Variants in SOX6 observed in about 807,000 individuals in gnomAD.
SOX6 encodes the protein transcription factor SOX-6.
SOX6 carries 11 observed loss-of-function variants against 97.8 expected under a neutral mutation model. That is an observed-to-expected ratio of 0.11 (90% CI 0.07 to 0.19). The LOEUF is 0.19. Among genes scored for constraint, SOX6 ranks in the 10% least tolerant of loss-of-function variants. The pLI is 1.00. For missense variants in SOX6, 810 were observed against 1,039.5 expected (o/e 0.78, Z 3.04); for synonymous variants, 360 against 371.4 (o/e 0.97, Z 0.35).
At chr11:16,475,284 T>C (rs951766954) in intron 1 of SOX6, among the ~76,000 whole-genome samples, 1 of 152,194 alleles carries the variant, frequency 6.6e-6, no homozygotes, top group Non-Finnish European at 1.5e-5. Flanking sequence ...TCCCTTTGCA[T>C]TCACAACTTG....
chr11:16,059,903 C>A (rs1847904814), intron 9 of SOX6, among the ~76,000 whole-genome samples: 1 of 151,926 alleles, frequency 6.6e-6, no homozygotes, highest in Non-Finnish European at 1.5e-5. Flanking sequence ...AAGTTCTATA[C>A]TGAATGGAGT....
chr11:16,406,584 C>A (rs1275057059), intron 1 of SOX6, among the ~76,000 whole-genome samples: 1 of 152,052 alleles, frequency 6.6e-6, no homozygotes, highest in Non-Finnish European at 1.5e-5. Flanking sequence ...CTTTTACAAG[C>A]CTCTACCTGT....
intron 13 of SOX6, among the ~76,000 whole-genome samples, chr11:16,012,695 G>A (rs1049855406): frequency 6.6e-6 from 1 of 151,980 alleles, no homozygotes; most frequent in African/African-American, 2.4e-5. Flanking sequence ...GGGCAGTATG[G>A]CAGGCTGCTG....
intron 3 of SOX6, among the ~76,000 whole-genome samples, chr11:16,653,254 A>G (rs1785640692): frequency 1.3e-5 from 2 of 152,222 alleles, no homozygotes; most frequent in Non-Finnish European, 2.9e-5. Flanking sequence ...TGATCCAGCA[A>G]TCCCACTATT....
At chr11:16,499,457 T>A (rs1292941191) in intron 4 of SOX6, among the ~76,000 whole-genome samples, 1 of 151,918 alleles carries the variant, frequency 6.6e-6, no homozygotes, top group Non-Finnish European at 1.5e-5. Flanking sequence ...ATAACTAAGA[T>A]CAGAGCAGAA....
chr11:16,434,328 C>G (rs929022201), intron 1 of SOX6: 1 of 151,920 alleles, frequency 6.6e-6, no homozygotes, highest in East Asian at 1.9e-4. Context: ...TTACCCTTGT[C>G]GACCAAGATT....
intron 10 of SOX6, among the ~76,000 whole-genome samples, chr11:16,051,049 A>C (rs1847673507): frequency 6.6e-6 from 1 of 152,118 alleles, no homozygotes; most frequent in East Asian, 1.9e-4. Context: ...CTGTGAAAAG[A>C]GGGTCTGATA....
At chr11:16,019,661 G>T (rs924289823) in intron 12 of SOX6, among the ~76,000 whole-genome samples, 1 of 152,004 alleles carries the variant, frequency 6.6e-6, no homozygotes, top group Admixed American at 6.6e-5. Context: ...TCTACATGGG[G>T]ATTCTGGTAT....
intron 6 of SOX6, among the ~76,000 whole-genome samples, chr11:16,121,603 G>T (rs980380196): frequency 6.6e-6 from 1 of 151,868 alleles, no homozygotes; most frequent in Non-Finnish European, 1.5e-5. Flanking sequence ...AGAAAGTTTT[G>T]CTTAAAAAGA....
rs1475253268 is a variant in SOX6 at position 16,661,708 on chromosome 11, C to T, written n.430-49448G>A. 3.3e-5 allele frequency among the ~76,000 whole-genome samples: 5 copies of T among 152,222 alleles called. No individual in the cohort carries two copies. The South Asian group carries it at 1.0e-3, about 32-fold the overall frequency. On this transcript the variant is annotated intron_variant and non_coding_transcript_variant, in intron 3 of 5. Coordinates refer to the SOX6 transcript ENST00000524520. ...GACTACAGGCACAAGTCACTAAGTG[C>T]AGCTAATTTTTTTTACTTTGTGTAG... is the stretch of plus-strand genomic sequence containing the variant.
chr11:16,677,147 C>CA (rs1847889949), intron 3 of SOX6, among the ~76,000 whole-genome samples: 1 of 152,012 alleles, frequency 6.6e-6, no homozygotes, highest in South Asian at 2.1e-4. Flanking sequence ...CTGAGTTAAA[C>CA]AAACTAATGG....
Position 16,544,530 on chromosome 11 carries a change from G to A in SOX6, n.609+67551C>T, listed in dbSNP as rs556640635. On this transcript the variant is annotated intron_variant and non_coding_transcript_variant, in intron 4 of 5. Transcript: ENST00000524520. The stretch of plus-strand genomic sequence containing the variant: ...TCACCTCAGCCTCCCAAAGTGCTGG[G>A]ATTACAGAGGTGAGCCACCACACCC... 7.4e-4 allele frequency among the ~76,000 whole-genome samples: 112 copies of A among 152,220 alleles called. 1 individual carries two copies. Among genetic ancestry groups the A allele is most frequent in the Middle Eastern group, 3.4e-3 (1 of 294 alleles).
chr11:16,521,529 G>A (rs1861063131), intron 4 of SOX6, among the ~76,000 whole-genome samples: 1 of 151,968 alleles, frequency 6.6e-6, no homozygotes, highest in Non-Finnish European at 1.5e-5. Context: ...CAAAGATGGG[G>A]AAAAAAACAG....
intron 1 of SOX6, among the ~76,000 whole-genome samples, chr11:16,354,562 A>G (rs1441292613): frequency 6.6e-6 from 1 of 152,002 alleles, no homozygotes; most frequent in Non-Finnish European, 1.5e-5. Context: ...CAAAGCCTAC[A>G]GCATCTGCTG....
At chr11:16,526,894 T>C (rs1219539716) in intron 4 of SOX6, among the ~76,000 whole-genome samples, 2 of 152,068 alleles carry the variant, frequency 1.3e-5, no homozygotes, top group Non-Finnish European at 2.9e-5. Flanking sequence ...TTTTAAGTTT[T>C]TCCCCGGACA....
chr11:16,609,774 A>T (rs908696291), intron 4 of SOX6, among the ~76,000 whole-genome samples: 2 of 152,226 alleles, frequency 1.3e-5, no homozygotes, highest in African/African-American at 4.8e-5. Flanking sequence ...AGAAATAGTC[A>T]TATGCTCCTG....
rs1398006966 is a variant in SOX6, at chr11:16,583,612, T to TACACAC, written n.609+28468_609+28469insGTGTGT. On this transcript the variant is annotated intron_variant and non_coding_transcript_variant, in intron 4 of 5. Coordinates refer to the SOX6 transcript ENST00000524520. Reference sequence around the variant, plus strand: ...ATATATGTATATATGTGTATATATATACATATATATATATATATATATATA... The same window carrying TACACAC: ...ATATATGTATATATGTGTATATATATACACACACATATATATATATATATATATATA... Among the ~76,000 whole-genome samples, 4 of 43,944 alleles carry TACACAC rather than the reference T, an allele frequency of 9.1e-5. No individual in the cohort carries two copies. In the East Asian group the frequency reaches 8.8e-3, roughly 96 times the overall value. The allele number at this position is 43,944 out of a possible 152,430, so 28.8% of individuals were successfully genotyped here.
intron 2 of SOX6, among the ~76,000 whole-genome samples, chr11:16,330,551 C>A (rs1402132700): frequency 6.6e-6 from 1 of 152,052 alleles, no homozygotes; most frequent in Non-Finnish European, 1.5e-5. Context: ...AGCAAGACTC[C>A]ATCTAAAACA....
intron 1 of SOX6, among the ~76,000 whole-genome samples, chr11:16,371,250 T>C (rs922559473): frequency 6.6e-6 from 1 of 152,034 alleles, no homozygotes; most frequent in Non-Finnish European, 1.5e-5. Flanking sequence ...TCCCTCCCTC[T>C]GCCTGGAATG....
Sources: allele counts gnomAD v4.1 joint callset (sites outside exome capture counted in the v4.1 genomes callset), GRCh38; gene constraint gnomAD v4.1.1; transcripts MANE v1.5; gene names NCBI Gene and HGNC (gene_info 2026-07-23, HGNC 2026-07-21).